SPAG16: variants seen among roughly 807,000 people sequenced by gnomAD.
The protein encoded by SPAG16 is sperm associated antigen 16.
In SPAG16, 86 loss-of-function variants were observed where a neutral mutation model predicts 80.4. That is an observed-to-expected ratio of 1.07 (90% CI 0.90 to 1.28). The LOEUF (loss-of-function observed/expected upper bound fraction) is 1.28, where lower values mean the gene tolerates loss of function less well. SPAG16 is among the 50% of genes most tolerant of loss of function. SPAG16 has a pLI of 0.00. For synonymous variants in SPAG16, 294 were observed against 265.9 expected (o/e 1.11, Z -1.03); for missense variants, 870 against 765.3 (o/e 1.14, Z -1.61).
At chr2:213,415,219 A>G (rs1027845776) in intron 9 of SPAG16, among the ~76,000 whole-genome samples, 1 of 152,194 alleles carries the variant, frequency 6.6e-6, no homozygotes, top group Non-Finnish European at 1.5e-5. Flanking sequence ...ACATGCAAAG[A>G]TCTAGAGGTC....
chr2:214,213,282 C>T (rs1161835560), intron 15 of SPAG16, among the ~76,000 whole-genome samples: 1 of 152,162 alleles, frequency 6.6e-6, no homozygotes, highest in Non-Finnish European at 1.5e-5. Context: ...TATCCCCACC[C>T]CTGAATTTTT....
chr2:214,363,779 G>A (rs1035329966), intron 15 of SPAG16, among the ~76,000 whole-genome samples: 1 of 152,082 alleles, frequency 6.6e-6, no homozygotes, highest in Non-Finnish European at 1.5e-5. Context: ...AGGGGTTACA[G>A]AAGTTGGTGT....
chr2:214,252,452 C>G (rs1055717427), intron 15 of SPAG16, among the ~76,000 whole-genome samples: 1 of 151,798 alleles, frequency 6.6e-6, no homozygotes, highest in Non-Finnish European at 1.5e-5. Context: ...CCTAGCCCCC[C>G]ACCCCACGAC....
chr2:213,981,054 G>A (rs2045722962), intron 12 of SPAG16, among the ~76,000 whole-genome samples: 1 of 152,052 alleles, frequency 6.6e-6, no homozygotes, highest in African/African-American at 2.4e-5. Flanking sequence ...CTAAAGGCTG[G>A]GAAGTTCGAG....
chr2:213,291,263 G>T (rs565342834), intron 1 of SPAG16, among the ~76,000 whole-genome samples: 46 of 152,270 alleles, frequency 3.0e-4, no homozygotes, highest in African/African-American at 1.1e-3. Context: ...GCAAACTGTA[G>T]CAGAATCACT....
intron 15 of SPAG16, among the ~76,000 whole-genome samples, chr2:214,203,751 G>T (rs1322599651): frequency 6.6e-6 from 1 of 152,134 alleles, no homozygotes; most frequent in Non-Finnish European, 1.5e-5. Context: ...ACTGGAAAAA[G>T]ACCACAGGAA....
chr2:213,626,641 A>ATTTTTTTTTTTTTTTTTTTTTTTTT (rs10582370), intron 10 of SPAG16, among the ~76,000 whole-genome samples: 1 of 98,980 alleles, frequency 1.0e-5, no homozygotes, highest in Non-Finnish European at 1.9e-5. Flanking sequence ...ATCGGGCTCA[A>ATTTTTTTTTTTTTTTTTTTTTTTTT]TTTTTTTTTT....
chr2:214,127,471 A>G (rs549027697), intron 14 of SPAG16, among the ~76,000 whole-genome samples: 260 of 151,948 alleles, frequency 1.7e-3, no homozygotes, highest in African/African-American at 6.0e-3. Context: ...GAGCTGAGTT[A>G]CAGGTTAACA....
rs187380476 is a variant in SPAG16 at position 213,393,216 on chromosome 2, G to T, written c.942+18097G>T. On this transcript the variant is annotated intron_variant, in intron 9 of 15. Transcript: ENST00000331683. Reference sequence around the variant, plus strand: ...ACTGCAGTAAAAAAAAAATGCTGAGGATTTACAACATTTTGAAAACTTTGG... The same window carrying T: ...ACTGCAGTAAAAAAAAAATGCTGAGTATTTACAACATTTTGAAAACTTTGG... Among the ~76,000 whole-genome samples the T allele has an allele frequency of 1.7e-3, 254 of 151,630 alleles. 1 individual carries two copies. Among genetic ancestry groups the T allele is most frequent in the African/African-American group, 5.7e-3 (238 of 41,392 alleles).
At chr2:213,844,278 A>G (rs1186557159) in intron 10 of SPAG16, among the ~76,000 whole-genome samples, 1 of 152,238 alleles carries the variant, frequency 6.6e-6, no homozygotes, top group East Asian at 1.9e-4. Context: ...TCTCAGCCTA[A>G]TTAACATTCA....
chr2:214,227,722 G>GTGTGTA (rs1688372883), intron 15 of SPAG16, among the ~76,000 whole-genome samples: 1 of 151,282 alleles, frequency 6.6e-6, no homozygotes, highest in South Asian at 2.1e-4. Flanking sequence ...GTGTGTGTGT[G>GTGTGTA]TGTGTGTGTG....
chr2:213,557,533 T>C (rs906203811), intron 10 of SPAG16, among the ~76,000 whole-genome samples: 3 of 152,050 alleles, frequency 2.0e-5, no homozygotes, highest in Non-Finnish European at 4.4e-5. Flanking sequence ...GGGAATAGTA[T>C]ATGAAAAAAA....
chr2:213,896,586 A>ACG (rs1553657335), intron 11 of SPAG16, among the ~76,000 whole-genome samples: 2 of 84,612 alleles, frequency 2.4e-5, no homozygotes, highest in African/African-American at 6.9e-5. Context: ...ATATACACAC[A>ACG]CACACGCACA....
chr2:213,486,256 C>T (rs1401884746), intron 9 of SPAG16, among the ~76,000 whole-genome samples: 1 of 152,064 alleles, frequency 6.6e-6, no homozygotes. Context: ...CAGTAACCAC[C>T]AATCAATTCT....
intron 12 of SPAG16, among the ~76,000 whole-genome samples, chr2:213,976,135 T>TATATATATATACAC (rs749957411): frequency 2.0e-3 from 163 of 81,382 alleles, no homozygotes; most frequent in African/African-American, 3.0e-3. Flanking sequence ...TATATATATA[T>TATATATATATACAC]ACACACACAC....
chr2:214,216,100 T>A (rs961833191), intron 15 of SPAG16, among the ~76,000 whole-genome samples: 1 of 152,224 alleles, frequency 6.6e-6, no homozygotes. Context: ...AGTTTTATTT[T>A]AAATTGGTAG....
At chr2:213,978,506 A>C (rs2045533868) in intron 12 of SPAG16, among the ~76,000 whole-genome samples, 1 of 152,162 alleles carries the variant, frequency 6.6e-6, no homozygotes, top group Admixed American at 6.6e-5. Context: ...CCTGGTTTCA[A>C]AATGATTCCA....
chr2:214,162,534 A>G (rs1343688339), intron 15 of SPAG16, among the ~76,000 whole-genome samples: 1 of 152,126 alleles, frequency 6.6e-6, no homozygotes, highest in African/African-American at 2.4e-5. Context: ...TCTCTTTCTA[A>G]TAAGTCAGTT....
intron 13 of SPAG16, among the ~76,000 whole-genome samples, chr2:214,033,284 T>C (rs1489997032): frequency 6.6e-6 from 1 of 152,176 alleles, no homozygotes; most frequent in Non-Finnish European, 1.5e-5. Context: ...ATGTAATTCT[T>C]TGCTTGAGAT....
Sources: allele counts gnomAD v4.1 joint callset (sites outside exome capture counted in the v4.1 genomes callset), GRCh38; gene constraint gnomAD v4.1.1; transcripts MANE v1.5; gene names NCBI Gene and HGNC (gene_info 2026-07-23, HGNC 2026-07-21).